Variants in SLC12A2 observed in about 807,000 individuals in gnomAD.
SLC12A2 encodes Na-K-2Cl cotransporter 1.
In SLC12A2, 67 loss-of-function variants were observed where a neutral mutation model predicts 136.3. The observed-to-expected ratio is 0.49, with a 90% CI of 0.40 to 0.60. The LOEUF is 0.60. Among genes scored for constraint, SLC12A2 ranks in the 20% least tolerant of loss-of-function variants. The pLI, the probability that SLC12A2 is intolerant of heterozygous loss-of-function variation, is 0.00. For missense variants in SLC12A2, 1,322 were observed against 1,534.7 expected (o/e 0.86, Z 2.32); for synonymous variants, 619 against 562.9 (o/e 1.10, Z -1.41).
At chr5:128,136,193 T>G (rs896445851) in intron 7 of SLC12A2, among the ~76,000 whole-genome samples, 1 of 152,170 alleles carries the variant, frequency 6.6e-6, no homozygotes, top group East Asian at 1.9e-4. Context: ...AAAGCAATTA[T>G]TGGTATAATT....
chr5:128,131,075 TA>T lies in SLC12A2; in HGVS notation c.1058del (p.Tyr353PhefsTer3), dbSNP rs1397262232. ...TGTTTGTTTGTTTTTAGGAGGAGCA[TA>T]TTATTTAATATCTAGAAGTCTAGGG... ...TNGFVRGGGA[Y>X]YLISRSLGPE... On this transcript the variant is annotated frameshift_variant, in exon 5 of 27. Coordinates refer to ENST00000262461, the MANE Select transcript of SLC12A2 (RefSeq NM_001046.3). LOFTEE classifies it high-confidence loss of function. 1.2e-6 allele frequency: 2 copies of T among 1,613,772 alleles called. No homozygotes were observed. Among genetic ancestry groups the T allele is most frequent in the African/African-American group, 2.7e-5 (2 of 74,934 alleles).
intron 17 of SLC12A2, among the ~76,000 whole-genome samples, chr5:128,165,211 A>T (rs919730502): frequency 2.0e-5 from 3 of 152,194 alleles, no homozygotes; most frequent in Non-Finnish European, 2.9e-5. Flanking sequence ...CTCTTTGAGC[A>T]AAGGACATTA....
intron 1 of SLC12A2, among the ~76,000 whole-genome samples, chr5:128,085,448 T>C (rs1371893620): frequency 2.0e-5 from 3 of 152,212 alleles, no homozygotes; most frequent in Non-Finnish European, 4.4e-5. Flanking sequence ...GTCTTTGCCA[T>C]AAGCAGTTAC....
At chr5:128,161,253 T>G (rs891504211) in intron 16 of SLC12A2, among the ~76,000 whole-genome samples, 1 of 152,216 alleles carries the variant, frequency 6.6e-6, no homozygotes, top group African/African-American at 2.4e-5. Context: ...TTCAGTGATA[T>G]TCTCAAGTTA....
rs1391685182 is a variant in SLC12A2, at chr5:128,083,766, A to T, written c.-189A>T. 5.3e-6 allele frequency: 2 copies of T among 375,798 alleles called. No homozygotes were observed. The highest frequency in any genetic ancestry group is 2.7e-4 in the South Asian group (2 of 7,536). The allele number at this position is 375,798 out of a possible 1,614,324, so 23.3% of individuals were successfully genotyped here. A position where few individuals can be genotyped will look rare whatever the true frequency, so the allele number is the denominator to read the frequency against. ...CAGCGGGGCCCGCCCCGCGCCCGCC[A>T]CACTCGCGCGCTCGCTCGGCTGCCG... On this transcript the variant is annotated 5_prime_UTR_variant, in exon 1 of 27. Transcript: ENST00000262461.
chr5:128,173,302 C>G (rs1053173699), intron 19 of SLC12A2, among the ~76,000 whole-genome samples: 1 of 152,192 alleles, frequency 6.6e-6, no homozygotes, highest in Non-Finnish European at 1.5e-5. Flanking sequence ...ATTTCTTGCT[C>G]TACCAGAATT....
intron 11 of SLC12A2, among the ~76,000 whole-genome samples, chr5:128,148,518 T>G (rs1297278407): frequency 6.6e-6 from 1 of 151,822 alleles, no homozygotes; most frequent in Non-Finnish European, 1.5e-5. Flanking sequence ...TCATAAAATT[T>G]AATTTCAACA....
Position 128,174,610 on chromosome 5 carries a change from A to G in SLC12A2, c.2873A>G (p.Lys958Arg). ...KDVVVSVEYS[K>R]KSDLDTSKPL... ...GTGGTAGTAAGTGTGGAATATAGTA[A>G]AAAGTCCGATTTAGATACTTCCAAA... The change falls in exon 20 of 27, where the codon AAA becomes AGA. Residue 958 changes from lysine (K) to arginine (R), a missense_variant. Coordinates refer to ENST00000262461, the MANE Select transcript of SLC12A2 (RefSeq NM_001046.3). The G allele has an allele frequency of 6.2e-7, 1 of 1,609,890 alleles. No individual in the cohort carries two copies. The highest frequency in any genetic ancestry group is 8.5e-7 in the Non-Finnish European group (1 of 1,177,658).
In SLC12A2 at chr5:128,110,830, A is replaced by G. The variant is rs984879186; in HGVS notation, c.757-1984A>G. 4.1e-6 allele frequency: 6 copies of G among 1,469,578 alleles called. No individual in the cohort carries two copies. In the African/African-American group the frequency reaches 5.6e-5, roughly 14 times the overall value. The allele number at this position is 1,469,578 out of a possible 1,614,324, so 91.0% of individuals were successfully genotyped here. ...ACAAGAATTTGCAAGAAATAATCTC[A>G]TGGATGATGACATATTCTGTTATTA... On this transcript the variant is annotated intron_variant, in intron 1 of 26. Coordinates refer to ENST00000262461, the MANE Select transcript of SLC12A2 (RefSeq NM_001046.3).
chr5:128,147,394 G>C (rs1762560936), intron 10 of SLC12A2, among the ~76,000 whole-genome samples: 1 of 151,622 alleles, frequency 6.6e-6, no homozygotes, highest in African/African-American at 2.4e-5. Flanking sequence ...TCTTCTCTCT[G>C]CCATTGTGTG....
intron 25 of SLC12A2, 29 bp from the exon 26 acceptor site, chr5:128,184,760 C>G (rs752032360): frequency 2.2e-5 from 35 of 1,610,922 alleles, no homozygotes; most frequent in Non-Finnish European, 2.5e-5. Flanking sequence ...TCCACATGGT[C>G]TAGGAATGAC....
At position 128,084,391 on chromosome 5, in the gene SLC12A2, C is replaced by G; in HGVS notation, c.437C>G (p.Pro146Arg). 1 of 1,609,226 alleles carries G rather than the reference C, an allele frequency of 6.2e-7. No homozygotes were observed. The highest frequency in any genetic ancestry group is 2.2e-5 in the East Asian group (1 of 44,774). The change falls in exon 1 of 27, where the codon CCA becomes CGA. Residue 146 changes from proline (P) to arginine (R), a missense_variant. Physicochemically the swap from Pro to Arg is moderately radical, Grantham distance 103. This residue lies in a region of SLC12A2 where 358 missense variants were observed against 299.7 expected (regional missense o/e 1.19). Coordinates refer to ENST00000262461, the MANE Select transcript of SLC12A2 (RefSeq NM_001046.3). This position sits in a 1 kb window ranked among gnomAD's most constrained non-coding sequence, Gnocchi z 5.6. ...KGRFRVNFVD[P>R]AASSSAEDSL... ...CGCTTCCGCGTGAACTTCGTGGACC[C>G]AGCTGCCTCCTCGTCGGCTGAAGAC...
intron 1 of SLC12A2, among the ~76,000 whole-genome samples, chr5:128,095,417 G>T (rs1390920680): frequency 6.6e-6 from 1 of 152,042 alleles, no homozygotes; most frequent in Non-Finnish European, 1.5e-5. Context: ...TTTGAAACCA[G>T]GTCTCGGTAT....
intron 4 of SLC12A2, among the ~76,000 whole-genome samples, chr5:128,126,927 A>G (rs1300297215): frequency 4.6e-5 from 4 of 86,312 alleles, no homozygotes; most frequent in Non-Finnish European, 8.7e-5. Context: ...CCCTTATTCT[A>G]TTATCACAAC....
Position 128,125,111 on chromosome 5 carries a change from G to A in SLC12A2, c.1049-5956G>A, listed in dbSNP as rs189489374. 3.9e-3 allele frequency among the ~76,000 whole-genome samples: 600 copies of A among 152,208 alleles called. 4 individuals are homozygous for A. Among genetic ancestry groups the A allele is most frequent in the African/African-American group, 0.014 (574 of 41,520 alleles). On this transcript the variant is annotated intron_variant, in intron 4 of 26. Coordinates refer to ENST00000262461, the MANE Select transcript of SLC12A2 (RefSeq NM_001046.3). ...CTGAGTTTAAGATGGAATTGTGATCGGGCTTTATTTTTTCCAAAGGATTTT... is the reference window on the plus strand; with the variant it reads ...CTGAGTTTAAGATGGAATTGTGATCAGGCTTTATTTTTTCCAAAGGATTTT...
chr5:128,167,587 A>G (rs577498761), intron 17 of SLC12A2, among the ~76,000 whole-genome samples, 174 bp from the exon 18 acceptor site: 9 of 152,244 alleles, frequency 5.9e-5, no homozygotes, highest in Admixed American at 5.2e-4. Flanking sequence ...AATTTTAAGT[A>G]ATATCAATGG....
chr5:128,167,973 A>G, intron 18 of SLC12A2, 106 bp downstream of exon 18: 1 of 596,510 alleles, frequency 1.7e-6, no homozygotes, highest in Non-Finnish European at 2.8e-6. Context: ...CTTGTAATGG[A>G]AATATAAGAA....
At chr5:128,184,659 A>C in intron 25 of SLC12A2, 130 bp from the exon 26 acceptor site, 2 of 1,480,300 alleles carry the variant, frequency 1.4e-6, no homozygotes. Flanking sequence ...AAAAAAATAA[A>C]AATAGAGAAC....
chr5:128,111,719 C>T (rs2126668630), intron 1 of SLC12A2, among the ~76,000 whole-genome samples: 1 of 149,110 alleles, frequency 6.7e-6, no homozygotes, highest in African/African-American at 2.5e-5. Flanking sequence ...GAGCTGAGAT[C>T]GCGCCACTGC....
Sources: allele counts gnomAD v4.1 joint callset (sites outside exome capture counted in the v4.1 genomes callset), GRCh38; gene constraint gnomAD v4.1.1; regional missense constraint gnomAD v4.1.1; non-coding constraint Gnocchi (gnomAD v3.1); transcripts MANE v1.5; gene names NCBI Gene and HGNC (gene_info 2026-07-23, HGNC 2026-07-21).